Variants in HEPHL1 observed in about 807,000 individuals in gnomAD.
The protein encoded by HEPHL1 is ferroxidase HEPHL1.
HEPHL1 carries 123 observed loss-of-function variants against 122.0 expected under a neutral mutation model. That is an observed-to-expected ratio of 1.01 (90% CI 0.87 to 1.17). The LOEUF is 1.17. Ranked by LOEUF, HEPHL1 falls within the 50% of genes most tolerant of loss-of-function variation. HEPHL1 has a pLI of 0.00. For synonymous variants in HEPHL1, 527 were observed against 508.9 expected, an observed-to-expected ratio of 1.04 and a Z score of -0.48; for missense variants, 1,452 against 1,430.5, an observed-to-expected ratio of 1.01 and a Z score of -0.24.
In HEPHL1 at chr11:94,102,961, G is replaced by C. The variant is rs1456759372; in HGVS notation, c.2623G>C (p.Gly875Arg). The change falls in exon 15 of 20, where the codon GGG becomes CGG. Residue 875 changes from glycine to arginine, a missense_variant. Transcript: ENST00000315765. ...RWNIPKRSGPGPSDPNCIPWV... is the reference protein window; with the variant it reads ...RWNIPKRSGPRPSDPNCIPWV... ...GAATATCCCTAAAAGATCCGGTCCA[G>C]GGCCTTCTGATCCCAATTGTATTCC... 1 of 1,610,576 alleles carries C rather than the reference G, an allele frequency of 6.2e-7. No individual in the cohort carries two copies. The highest frequency in any genetic ancestry group is 1.1e-5 in the South Asian group (1 of 90,978).
chr11:94,070,296 A>G, intron 5 of HEPHL1, 78 bp from the exon 6 acceptor site: 1 of 1,409,212 alleles, frequency 7.1e-7, no homozygotes, highest in Non-Finnish European at 9.4e-7. Context: ...TTCAAGAGCC[A>G]AATCTATCAG....
At chr11:94,098,324 T>A (rs941199859) in intron 13 of HEPHL1, among the ~76,000 whole-genome samples, 7 of 152,318 alleles carry the variant, frequency 4.6e-5, no homozygotes, top group Admixed American at 6.5e-5. Flanking sequence ...TTTCTTTAAG[T>A]ATGTTGAATA....
At chr11:94,092,105 T>G (rs1355358101) in intron 12 of HEPHL1, among the ~76,000 whole-genome samples, 1 of 152,122 alleles carries the variant, frequency 6.6e-6, no homozygotes, top group East Asian at 1.9e-4. Context: ...GGAAAATGAT[T>G]AGGAACAATT....
At chr11:94,027,685 C>T (rs1323781626) in intron 1 of HEPHL1, among the ~76,000 whole-genome samples, 1 of 152,178 alleles carries the variant, frequency 6.6e-6, no homozygotes, top group Non-Finnish European at 1.5e-5. Flanking sequence ...TCACAACCAG[C>T]AAGTGAGAGA....
chr11:94,079,144 C>A (rs550219344), intron 9 of HEPHL1, among the ~76,000 whole-genome samples: 2 of 152,272 alleles, frequency 1.3e-5, no homozygotes, highest in East Asian at 3.9e-4. Flanking sequence ...TCAGTTGTTG[C>A]GTTGAGTGCT....
rs752422694 is a variant in HEPHL1 at position 94,104,614 on chromosome 11, T to C, written c.2769T>C (p.Tyr923=). The C allele has an allele frequency of 6.2e-7, 1 of 1,613,932 alleles. No individual in the cohort carries two copies. Among genetic ancestry groups the C allele is most frequent in the South Asian group, 1.1e-5 (1 of 91,080 alleles). The change falls in exon 16 of 20, where the codon TAT becomes TAC. Residue 923 remains tyrosine, a synonymous_variant. Transcript: ENST00000315765. ...AGGGAAGAAGAAGTGACGTTGATTATGAATTTGCTCTCTTGTTTTTGGTAT... is the reference window on the plus strand; with the variant it reads ...AGGGAAGAAGAAGTGACGTTGATTACGAATTTGCTCTCTTGTTTTTGGTAT... ...NEKGRRSDVD[Y]EFALLFLVFN...
At chr11:94,035,985 C>G (rs1467714843) in intron 1 of HEPHL1, among the ~76,000 whole-genome samples, 1 of 152,188 alleles carries the variant, frequency 6.6e-6, no homozygotes, top group Non-Finnish European at 1.5e-5. Context: ...ATCCGCCCGC[C>G]TCGGCCTCCC....
At chr11:94,081,543 C>T (rs948882902) in intron 9 of HEPHL1, among the ~76,000 whole-genome samples, 55 of 152,294 alleles carry the variant, frequency 3.6e-4, no homozygotes, top group African/African-American at 1.2e-3. Flanking sequence ...ATCAGATAGG[C>T]TCAAATAGAC....
chr11:94,058,317 G>A (rs1180517370), intron 2 of HEPHL1, among the ~76,000 whole-genome samples: 3 of 152,002 alleles, frequency 2.0e-5, no homozygotes, highest in Non-Finnish European at 2.9e-5. Context: ...TAACTTTATA[G>A]TTGCTTTTTT....
At chr11:94,029,273 T>A (rs1370855768) in intron 1 of HEPHL1, among the ~76,000 whole-genome samples, 3 of 152,196 alleles carry the variant, frequency 2.0e-5, no homozygotes, top group East Asian at 3.9e-4. Context: ...AAGCTATGGG[T>A]TCTCTTCACT....
intron 14 of HEPHL1, 107 bp downstream of exon 14, chr11:94,101,442 C>T: frequency 2.8e-6 from 3 of 1,087,080 alleles, no homozygotes; most frequent in Non-Finnish European, 4.0e-6. Context: ...CAATGTGTTT[C>T]AGCCATCATC....
At chr11:94,056,508 A>G (rs1945936965) in intron 2 of HEPHL1, among the ~76,000 whole-genome samples, 1 of 152,092 alleles carries the variant, frequency 6.6e-6, no homozygotes. Flanking sequence ...TTTTTAGCCT[A>G]TATATCATTG....
At chr11:94,050,356 C>A (rs1247976118) in intron 2 of HEPHL1, among the ~76,000 whole-genome samples, 1 of 152,084 alleles carries the variant, frequency 6.6e-6, no homozygotes, top group Non-Finnish European at 1.5e-5. Context: ...ACAGCTATAA[C>A]CTTTAGGAAA....
intron 8 of HEPHL1, among the ~76,000 whole-genome samples, chr11:94,074,557 T>C (rs1282213433): frequency 6.6e-6 from 1 of 152,164 alleles, no homozygotes; most frequent in East Asian, 1.9e-4. Flanking sequence ...CTGGATAAAA[T>C]GCAGAATGAG....
At chr11:94,058,544 G>T (rs1378522703) in intron 2 of HEPHL1, among the ~76,000 whole-genome samples, 1 of 152,068 alleles carries the variant, frequency 6.6e-6, no homozygotes, top group Non-Finnish European at 1.5e-5. Flanking sequence ...GAAGTGGGTT[G>T]AGCGGGTGGG....
intron 16 of HEPHL1, 93 bp downstream of exon 16, chr11:94,104,843 T>C (rs1302754808): frequency 1.0e-6 from 1 of 977,956 alleles, no homozygotes; most frequent in Non-Finnish European, 1.5e-6. Flanking sequence ...TCTCTGAGCC[T>C]TTCCTCCTTC....
At chr11:94,028,664 A>G (rs1302450342) in intron 1 of HEPHL1, among the ~76,000 whole-genome samples, 1 of 152,202 alleles carries the variant, frequency 6.6e-6, no homozygotes, top group Non-Finnish European at 1.5e-5. Context: ...TAGAATGCAG[A>G]TTGAAAATGT....
intron 13 of HEPHL1, among the ~76,000 whole-genome samples, chr11:94,099,229 ACAGT>A (rs1249599838): frequency 2.6e-5 from 4 of 152,182 alleles, no homozygotes; most frequent in African/African-American, 7.2e-5. Context: ...TTTCCTTCTA[ACAGT>A]CAGGGCCCTC....
intron 1 of HEPHL1, among the ~76,000 whole-genome samples, chr11:94,044,764 T>A (rs922753198): frequency 1.2e-5 from 1 of 85,064 alleles, no homozygotes; most frequent in African/African-American, 6.0e-5. Flanking sequence ...TCTCCAAACC[T>A]TTTTTTTTTT....
Sources: gnomAD v4.1 joint callset for allele counts (sites outside exome capture counted in the v4.1 genomes callset) on GRCh38, gnomAD v4.1.1 for gene constraint, MANE v1.5 for transcripts, NCBI Gene and HGNC (gene_info 2026-07-23, HGNC 2026-07-21) for gene names.